The following GLCE variants were observed in gnomAD, a reference collection of about 807,000 sequenced individuals.
The protein encoded by GLCE is glucuronic acid epimerase.
GLCE carries 19 observed loss-of-function variants against 47.9 expected under a neutral mutation model. The ratio of observed to expected loss-of-function variants is 0.40; its 90% CI spans 0.28 to 0.58. GLCE has a LOEUF of 0.58. Ranked by LOEUF, GLCE falls within the 20% of genes least tolerant of loss-of-function variation. The probability of loss-of-function intolerance (pLI) is 0.48; values close to 1 mark genes in which losing one functional copy is unlikely to be tolerated. For missense variants in GLCE, 556 were observed against 743.3 expected, an observed-to-expected ratio of 0.75 and a Z score of 2.93; for synonymous variants, 245 against 263.4, an observed-to-expected ratio of 0.93 and a Z score of 0.68.
rs192323873 is a variant in GLCE, at chr15:69,223,016, G to A, written c.-14+12610G>A. Among the ~76,000 whole-genome samples the A allele has an allele frequency of 2.6e-5, 4 of 152,206 alleles. No homozygotes were observed. The East Asian group carries it at 7.7e-4, about 29-fold the overall frequency. On this transcript the variant is annotated intron_variant, in intron 2 of 4. Coordinates refer to ENST00000261858, the MANE Select transcript of GLCE (RefSeq NM_015554.3). ...TTATTCCCACACCTGTCAGTTGTTG[G>A]TGTCACAAATTACATCCTTATACAT...
At chr15:69,195,487 C>G (rs1021575936) in intron 1 of GLCE, among the ~76,000 whole-genome samples, 7 of 152,010 alleles carry the variant, frequency 4.6e-5, no homozygotes, top group African/African-American at 1.7e-4. Context: ...GAAATTTTTA[C>G]TTACCTTCTC....
At chr15:69,234,024 C>T (rs1036873034) in intron 2 of GLCE, among the ~76,000 whole-genome samples, 2 of 151,402 alleles carry the variant, frequency 1.3e-5, no homozygotes, top group African/African-American at 4.9e-5. Flanking sequence ...GTTGCCCAGG[C>T]TGGAGTGCAA....
At chr15:69,248,703 C>T (rs1203218591) in intron 2 of GLCE, among the ~76,000 whole-genome samples, 2 of 152,112 alleles carry the variant, frequency 1.3e-5, no homozygotes, top group Non-Finnish European at 2.9e-5. Flanking sequence ...CAGCTCACGG[C>T]AATTCTCCTG....
At chr15:69,244,299 T>C (rs1191901356) in intron 2 of GLCE, among the ~76,000 whole-genome samples, 1 of 152,190 alleles carries the variant, frequency 6.6e-6, no homozygotes, top group African/African-American at 2.4e-5. Context: ...AATATTAATA[T>C]GGCATTTAAT....
intron 2 of GLCE, among the ~76,000 whole-genome samples, chr15:69,219,999 C>T (rs1191107514): frequency 6.6e-6 from 1 of 152,106 alleles, no homozygotes; most frequent in African/African-American, 2.4e-5. Flanking sequence ...CAGTTTATTT[C>T]ACTTAGTATA....
At position 69,244,172 on chromosome 15, in the gene GLCE, C is replaced by T. The variant is rs182292409; in HGVS notation, c.-13-11622C>T. ...TAAGCTATTGCTGGATTTGTGGGGC[C>T]AGTGAGGATCCTGTTGTCAAGAGCT... On this transcript the variant is annotated intron_variant, in intron 2 of 4. Coordinates refer to ENST00000261858, the MANE Select transcript of GLCE (RefSeq NM_015554.3). 2.8e-3 allele frequency among the ~76,000 whole-genome samples: 429 copies of T among 152,240 alleles called. 1 individual carries two copies. Among genetic ancestry groups the T allele is most frequent in the Non-Finnish European group, 4.2e-3 (285 of 68,018 alleles).
At chr15:69,161,465 G>T (rs2051419608) in intron 1 of GLCE, among the ~76,000 whole-genome samples, 1 of 152,072 alleles carries the variant, frequency 6.6e-6, no homozygotes, top group African/African-American at 2.4e-5. Context: ...GGAGCGGGGC[G>T]GTAACTTGGC....
At chr15:69,245,006 T>G (rs1290367384) in intron 2 of GLCE, among the ~76,000 whole-genome samples, 4 of 152,194 alleles carry the variant, frequency 2.6e-5, no homozygotes, top group Admixed American at 6.5e-5. Context: ...TACTGTAGTC[T>G]GTTAAGTGTA....
At chr15:69,201,791 T>C (rs958076073) in intron 1 of GLCE, among the ~76,000 whole-genome samples, 1 of 151,858 alleles carries the variant, frequency 6.6e-6, no homozygotes, top group African/African-American at 2.4e-5. Flanking sequence ...TTTAATCAGA[T>C]ACCCACTGAG....
chr15:69,176,265 C>T (rs1005962861), intron 1 of GLCE, among the ~76,000 whole-genome samples: 1 of 114,712 alleles, frequency 8.7e-6, no homozygotes, highest in Non-Finnish European at 1.7e-5. Context: ...TTCTGTTGCC[C>T]AGGCTGGAGT....
At chr15:69,223,503 T>G (rs1682775742) in intron 2 of GLCE, among the ~76,000 whole-genome samples, 1 of 152,198 alleles carries the variant, frequency 6.6e-6, no homozygotes, top group Non-Finnish European at 1.5e-5. Flanking sequence ...TTTAAGATCC[T>G]CACTTTGTCT....
In GLCE at chr15:69,207,651, C is replaced by T. The variant is rs77772277; in HGVS notation, c.-104-2665C>T. Among the ~76,000 whole-genome samples the T allele has an allele frequency of 9.2e-3, 1,402 of 152,060 alleles. 15 individuals are homozygous for T. Among genetic ancestry groups the T allele is most frequent in the African/African-American group, 0.032 (1,312 of 41,492 alleles). ...ACCACAGTTTGTTTATCCATTCACC[C>T]GGACATTTTGGTTGCTTCCAGGTTT... is the stretch of plus-strand genomic sequence containing the variant. On this transcript the variant is annotated intron_variant, in intron 1 of 4. Coordinates refer to ENST00000261858, the MANE Select transcript of GLCE (RefSeq NM_015554.3).
At chr15:69,200,728 A>C (rs923840071) in intron 1 of GLCE, among the ~76,000 whole-genome samples, 11 of 152,146 alleles carry the variant, frequency 7.2e-5, no homozygotes, top group African/African-American at 2.7e-4. Context: ...GGGGCATATT[A>C]GTTTTCTATT....
intron 2 of GLCE, among the ~76,000 whole-genome samples, chr15:69,253,116 A>G (rs1280685799): frequency 1.3e-5 from 2 of 152,192 alleles, no homozygotes; most frequent in African/African-American, 4.8e-5. Flanking sequence ...CAGTAGGCCC[A>G]ACTATACCCT....
In GLCE at chr15:69,202,514, T is replaced by C. The variant is rs182031332; in HGVS notation, c.-104-7802T>C. On this transcript the variant is annotated intron_variant, in intron 1 of 4. Coordinates refer to ENST00000261858, the MANE Select transcript of GLCE (RefSeq NM_015554.3). ...TCTACCCTTCATGGAAAAACTGCGG[T>C]ATTCTTACCAATCGTTAAATGCCTT... 1.4e-4 allele frequency among the ~76,000 whole-genome samples: 21 copies of C among 152,224 alleles called. No individual in the cohort carries two copies. The East Asian group carries it at 3.9e-3, about 28-fold the overall frequency.
At position 69,268,330 on chromosome 15, in the gene GLCE, G is replaced by A; in HGVS notation, c.940G>A (p.Glu314Lys). ...TGTGTCCGTGGTTCTAGAGACCACAGAAAAGAATCAGCTCTTCACTATACA... is the reference window on the plus strand; with the variant it reads ...TGTGTCCGTGGTTCTAGAGACCACAAAAAAGAATCAGCTCTTCACTATACA... ...GSVSVVLETT[E>K]KNQLFTIHYV... Residue 314 changes from glutamate (E) to lysine (K), a missense_variant, in exon 5 of 5, where the codon GAA becomes AAA. Glu to Lys is a moderately conservative substitution (Grantham distance 56). This residue lies in a region of GLCE where 245 missense variants were observed against 368.1 expected (regional missense o/e 0.67). Transcript: ENST00000261858. The A allele has an allele frequency of 6.2e-7, 1 of 1,613,894 alleles. No homozygotes were observed. Among genetic ancestry groups the A allele is most frequent in the Non-Finnish European group, 8.5e-7 (1 of 1,179,770 alleles).
chr15:69,212,628 C>G (rs2140377407), intron 2 of GLCE, among the ~76,000 whole-genome samples: 1 of 152,124 alleles, frequency 6.6e-6, no homozygotes, highest in Non-Finnish European at 1.5e-5. Flanking sequence ...GGAATTTTCT[C>G]TGTTCATGTC....
chr15:69,216,649 C>CTTTCTATTTG (rs2052311731), intron 2 of GLCE, among the ~76,000 whole-genome samples: 1 of 152,114 alleles, frequency 6.6e-6, no homozygotes, highest in South Asian at 2.1e-4. Flanking sequence ...TGCTGTATAA[C>CTTTCTATTTG]AAATAGAAAG....
At chr15:69,188,173 G>A (rs1451798176) in intron 1 of GLCE, among the ~76,000 whole-genome samples, 1 of 152,024 alleles carries the variant, frequency 6.6e-6, no homozygotes, top group Non-Finnish European at 1.5e-5. Context: ...ACTGGGAGGT[G>A]GAGGTTGCCA....
Sources: allele counts gnomAD v4.1 joint callset (sites outside exome capture counted in the v4.1 genomes callset), GRCh38; gene constraint gnomAD v4.1.1; regional missense constraint gnomAD v4.1.1; transcripts MANE v1.5; gene names NCBI Gene and HGNC (gene_info 2026-07-23, HGNC 2026-07-21).